The following ZNF654 variants were observed in gnomAD, a reference collection of about 807,000 sequenced individuals.
ZNF654 encodes the protein zinc finger protein 654.
ZNF654 carries 19 observed loss-of-function variants against 95.3 expected under a neutral mutation model. The ratio of observed to expected loss-of-function variants is 0.20; its 90% CI spans 0.14 to 0.29. The LOEUF is 0.29. ZNF654 is among the 10% of genes least tolerant of loss of function. ZNF654 has a pLI of 1.00. For missense variants in ZNF654, 1,046 were observed against 1,341.0 expected, an observed-to-expected ratio of 0.78 and a Z score of 3.44; for synonymous variants, 413 against 457.9, an observed-to-expected ratio of 0.90 and a Z score of 1.25.
chr3:88,120,361 C>T (rs1254165119), intron 3 of ZNF654, among the ~76,000 whole-genome samples: 1 of 152,182 alleles, frequency 6.6e-6, no homozygotes, highest in African/African-American at 2.4e-5. Flanking sequence ...TTTATTTATA[C>T]TGCTATCTTG....
chr3:88,121,946 A>C (rs976222956), intron 3 of ZNF654, among the ~76,000 whole-genome samples: 1 of 152,168 alleles, frequency 6.6e-6, no homozygotes, highest in Non-Finnish European at 1.5e-5. Context: ...AAAGTTACTT[A>C]TTATTGAGAA....
chr3:88,084,911 T>C (rs1207206545), intron 1 of ZNF654, among the ~76,000 whole-genome samples: 1 of 152,150 alleles, frequency 6.6e-6, no homozygotes, highest in African/African-American at 2.4e-5. Context: ...CGCTAATCTT[T>C]TATAATGGTC....
chr3:88,139,930 T>C lies in ZNF654; in HGVS notation c.2261T>C (p.Val754Ala). Residue 754 changes from valine to alanine, a missense_variant, in exon 8 of 9, where the codon GTC becomes GCC. Transcript: ENST00000636215. ...GNFKCPALGC[V>A]RIFKRIGFLN... is the part of the protein sequence containing the mutation. ...TTTAAGTGTCCTGCTCTTGGTTGTGTCCGGATATTTAAAAGAATTGGGTTT... is the reference window on the plus strand; with the variant it reads ...TTTAAGTGTCCTGCTCTTGGTTGTGCCCGGATATTTAAAAGAATTGGGTTT... 6.2e-7 allele frequency: 1 copy of C among 1,613,660 alleles called. No individual in the cohort carries two copies. Among genetic ancestry groups the C allele is most frequent in the Non-Finnish European group, 8.5e-7 (1 of 1,179,778 alleles).
At chr3:88,101,127 T>G (rs1307035370) in intron 2 of ZNF654, among the ~76,000 whole-genome samples, 3 of 152,184 alleles carry the variant, frequency 2.0e-5, no homozygotes, top group Non-Finnish European at 2.9e-5. Flanking sequence ...AAAGCTTTAT[T>G]AAAAAGTATA....
At chr3:88,089,126 A>T (rs1330594806) in intron 2 of ZNF654, among the ~76,000 whole-genome samples, 1 of 149,896 alleles carries the variant, frequency 6.7e-6, no homozygotes, top group African/African-American at 2.5e-5. Context: ...CGGAAGGAAT[A>T]TGTGAATTTA....
intron 1 of ZNF654, 88 bp downstream of exon 1, chr3:88,059,593 A>G (rs1559681473): frequency 3.5e-6 from 5 of 1,414,780 alleles, no homozygotes; most frequent in South Asian, 1.5e-5. Context: ...AATCTGGTCT[A>G]TGTCCAGTGC....
intron 4 of ZNF654, among the ~76,000 whole-genome samples, chr3:88,127,486 G>A (rs1201844943): frequency 1.3e-5 from 2 of 152,074 alleles, no homozygotes; most frequent in African/African-American, 4.8e-5. Context: ...TGCTGAGGAG[G>A]AAGAGTTGGA....
intron 1 of ZNF654, 69 bp from the exon 2 acceptor site, chr3:88,086,188 A>G (rs1483493739): frequency 7.0e-7 from 1 of 1,418,566 alleles, no homozygotes; most frequent in African/African-American, 1.4e-5. Context: ...AGTAACTTTT[A>G]TGCAAATTTT....
At chr3:88,109,685 A>T (rs1704973398) in intron 2 of ZNF654, among the ~76,000 whole-genome samples, 1 of 152,156 alleles carries the variant, frequency 6.6e-6, no homozygotes, top group Non-Finnish European at 1.5e-5. Context: ...GGGAACTGTA[A>T]ATCATTTTGT....
At chr3:88,088,559 G>T (rs1708457288) in intron 2 of ZNF654, among the ~76,000 whole-genome samples, 1 of 152,138 alleles carries the variant, frequency 6.6e-6, no homozygotes. Flanking sequence ...AAGGTTGGAA[G>T]ATGTAAAGCT....
chr3:88,122,298 A>G (rs541772780), intron 3 of ZNF654, among the ~76,000 whole-genome samples: 5 of 152,258 alleles, frequency 3.3e-5, no homozygotes, highest in South Asian at 2.1e-4. Flanking sequence ...ATGATGTGCA[A>G]TAGGTGAATG....
At chr3:88,117,878 G>A (rs1441634835) in intron 3 of ZNF654, among the ~76,000 whole-genome samples, 1 of 151,486 alleles carries the variant, frequency 6.6e-6, no homozygotes, top group Admixed American at 6.6e-5. Context: ...AAGTTGTTAA[G>A]TTTCATTCTA....
chr3:88,138,628 G>C (rs1348264082), intron 7 of ZNF654, 77 bp from the exon 8 acceptor site: 10 of 844,690 alleles, frequency 1.2e-5, no homozygotes, highest in Non-Finnish European at 1.6e-5. Flanking sequence ...TTTAAGAGTT[G>C]TGTTTTTTAA....
Position 88,140,530 on chromosome 3 carries a change from G to A in ZNF654, c.2861G>A (p.Ser954Asn). The change falls in exon 8 of 9, where the codon AGC (serine) becomes AAC (asparagine). Residue 954 changes from serine (S) to asparagine (N), a missense_variant. Transcript: ENST00000636215. ...ERSDDTVSNI[S>N]LIDQKMPDIE... Reference sequence around the variant, plus strand: ...TCTGATGACACTGTTTCAAATATAAGCTTGATAGACCAAAAGATGCCTGAC... The same window carrying A: ...TCTGATGACACTGTTTCAAATATAAACTTGATAGACCAAAAGATGCCTGAC... The A allele has an allele frequency of 6.2e-7, 1 of 1,613,694 alleles. No individual in the cohort carries two copies. Among genetic ancestry groups the A allele is most frequent in the Non-Finnish European group, 8.5e-7 (1 of 1,179,710 alleles).
chr3:88,096,174 G>T (rs1228516588), intron 2 of ZNF654, among the ~76,000 whole-genome samples: 2 of 151,922 alleles, frequency 1.3e-5, no homozygotes, highest in Non-Finnish European at 2.9e-5. Flanking sequence ...TTAAGTAGAA[G>T]GAACTTATTC....
intron 7 of ZNF654, among the ~76,000 whole-genome samples, chr3:88,138,040 A>G (rs1706905229): frequency 6.6e-6 from 1 of 152,170 alleles, no homozygotes; most frequent in African/African-American, 2.4e-5. Flanking sequence ...TGATGCAATT[A>G]TCCTTGAGTC....
At position 88,139,188 on chromosome 3, in the gene ZNF654, A is replaced by G; in HGVS notation, c.1519A>G (p.Thr507Ala). Residue 507 changes from threonine to alanine, a missense_variant, in exon 8 of 9, where the codon ACT becomes GCT. Transcript: ENST00000636215. The stretch of plus-strand genomic sequence containing the variant: ...GTTTGACTCTCTTACAGATCAGAGC[A>G]CTGGAGAGACTGATCCTGATGATGT... ...EGFDSLTDQS[T>A]GETDPDDVSG... is the part of the protein sequence containing the mutation. 6.9e-7 allele frequency: 1 copy of G among 1,444,376 alleles called. No homozygotes were observed. The highest frequency in any genetic ancestry group is 9.1e-7 in the Non-Finnish European group (1 of 1,100,148). 89.5% of individuals were successfully genotyped at this position (1,444,376 alleles called of 1,614,324 possible).
chr3:88,059,769 CG>C (rs1559681703), intron 1 of ZNF654, among the ~76,000 whole-genome samples: 3 of 152,168 alleles, frequency 2.0e-5, no homozygotes, highest in African/African-American at 7.2e-5. Context: ...GTCGGCTGTC[CG>C]GAAAGCTCTG....
chr3:88,067,292 T>G (rs1177897838), intron 1 of ZNF654, among the ~76,000 whole-genome samples: 1 of 152,228 alleles, frequency 6.6e-6, no homozygotes, highest in Non-Finnish European at 1.5e-5. Context: ...TCTGCTCTAC[T>G]GAGATCCTTT....
Sources: gnomAD v4.1 joint callset for allele counts (sites outside exome capture counted in the v4.1 genomes callset) on GRCh38, gnomAD v4.1.1 for gene constraint, MANE v1.5 for transcripts, NCBI Gene and HGNC (gene_info 2026-07-23, HGNC 2026-07-21) for gene names.